CHRNA7: variants seen among roughly 807,000 people sequenced by gnomAD.
The protein encoded by CHRNA7 is cholinergic receptor nicotinic alpha 7 subunit, also known as neuronal acetylcholine receptor subunit alpha-7.
A neutral mutation model predicts 48.0 loss-of-function variants in CHRNA7; 17 were observed. That is an observed-to-expected ratio of 0.35 (90% CI 0.24 to 0.53). The LOEUF (loss-of-function observed/expected upper bound fraction) is 0.53. Ranked by LOEUF, CHRNA7 falls within the 20% of genes least tolerant of loss-of-function variation. CHRNA7 has a pLI of 0.92. For missense variants in CHRNA7, 155 were observed against 577.7 expected (o/e 0.27, Z 7.50); for synonymous variants, 75 against 242.3 (o/e 0.31, Z 6.41).
At chr15:32,114,028 A>ATATATATATATATG (rs2050810135) in intron 4 of CHRNA7, among the ~76,000 whole-genome samples, 1 of 88,270 alleles carries the variant, frequency 1.1e-5, no homozygotes, top group African/African-American at 4.3e-5. Context: ...AAATATATAT[A>ATATATATATATATG]TATATATATA....
intron 4 of CHRNA7, among the ~76,000 whole-genome samples, chr15:32,136,350 G>T (rs955640868): frequency 7.2e-5 from 11 of 151,936 alleles, no homozygotes; most frequent in Non-Finnish European, 1.3e-4. Flanking sequence ...AATTAGCCGG[G>T]CGTGGTGGCA....
intron 2 of CHRNA7, among the ~76,000 whole-genome samples, chr15:32,095,772 C>G (rs896405316): frequency 1.3e-5 from 2 of 152,232 alleles, no homozygotes; most frequent in African/African-American, 4.8e-5. Context: ...CAAGCCCATA[C>G]TTTGAAAACT....
chr15:32,134,995 G>A (rs1327130754), intron 4 of CHRNA7, among the ~76,000 whole-genome samples: 1 of 152,202 alleles, frequency 6.6e-6, no homozygotes, highest in Non-Finnish European at 1.5e-5. Context: ...CTGTGCACCA[G>A]GTCCTGTTTC....
rs542175648 is a variant in CHRNA7, at chr15:32,141,927, G to C, written c.351-11980G>C. ...TACCCTTTATTTCTTTCTCTTGCCTGATTGCCTTGGCCAGAACTTCCAACA... is the reference window on the plus strand; with the variant it reads ...TACCCTTTATTTCTTTCTCTTGCCTCATTGCCTTGGCCAGAACTTCCAACA... On this transcript the variant is annotated intron_variant, in intron 4 of 9. Transcript: ENST00000306901. 9.2e-5 allele frequency among the ~76,000 whole-genome samples: 14 copies of C among 152,282 alleles called. 2 individuals carry two copies. In the South Asian group the frequency reaches 2.3e-3, roughly 25 times the overall value.
intron 2 of CHRNA7, among the ~76,000 whole-genome samples, chr15:32,043,753 C>T (rs1007838177): frequency 1.5e-4 from 12 of 78,734 alleles, no homozygotes; most frequent in Admixed American, 5.8e-4. Flanking sequence ...TAGATTTACT[C>T]GTATATTTAC....
chr15:32,100,144 C>T (rs1272468993), intron 2 of CHRNA7: 2 of 152,090 alleles, frequency 1.3e-5, no homozygotes, highest in South Asian at 2.1e-4. Context: ...ATTTGCATCC[C>T]TGCTCACTGA....
intron 8 of CHRNA7, chr15:32,161,840 G>A (rs1437577934): frequency 7.7e-4 from 63 of 81,560 alleles, no homozygotes; most frequent in South Asian, 2.2e-3. Flanking sequence ...AGTTAGCACA[G>A]CACTCACAGA....
At chr15:32,048,556 C>T (rs1195733109) in intron 2 of CHRNA7, among the ~76,000 whole-genome samples, 1 of 152,082 alleles carries the variant, frequency 6.6e-6, no homozygotes, top group Non-Finnish European at 1.5e-5. Flanking sequence ...TGATTCTTCT[C>T]TCTTTTTTTC....
intron 2 of CHRNA7, among the ~76,000 whole-genome samples, chr15:32,044,253 C>CTCCTTCCT (rs10638387): frequency 0.14 from 19,567 of 140,882 alleles, 1,638 homozygotes; most frequent in East Asian, 0.22. Flanking sequence ...CGATCTTTTC[C>CTCCTTCCT]TCCTTCCTTC....
At chr15:32,081,244 G>A (rs577514207) in intron 2 of CHRNA7, among the ~76,000 whole-genome samples, 1 of 152,038 alleles carries the variant, frequency 6.6e-6, no homozygotes, top group African/African-American at 2.4e-5. Flanking sequence ...CATGGCACAT[G>A]TTTACCTGTG....
chr15:32,127,276 C>A (rs1158567461), intron 4 of CHRNA7, among the ~76,000 whole-genome samples: 1 of 152,126 alleles, frequency 6.6e-6, no homozygotes, highest in Non-Finnish European at 1.5e-5. Flanking sequence ...TCTATAACAT[C>A]CATGTCCATG....
At position 32,149,786 on chromosome 15, in the gene CHRNA7, T is replaced by C. The variant is rs545906238; in HGVS notation, c.351-4121T>C. Among the ~76,000 whole-genome samples, 2 of 152,116 alleles carry C rather than the reference T, an allele frequency of 1.3e-5. No homozygotes were observed. The highest frequency in any genetic ancestry group is 2.9e-5 in the Non-Finnish European group (2 of 68,014). On this transcript the variant is annotated intron_variant, in intron 4 of 9. Transcript: ENST00000306901. This position sits in a 1 kb window ranked among gnomAD's most constrained non-coding sequence, Gnocchi z 4.6. ...CTGTTGCTAATAGCAACAGTTTTTTTATCTTGTTTTTACCTGTTTGCCTTG... is the reference window on the plus strand; with the variant it reads ...CTGTTGCTAATAGCAACAGTTTTTTCATCTTGTTTTTACCTGTTTGCCTTG...
At chr15:32,042,124 TAA>T (rs57547665) in intron 2 of CHRNA7, among the ~76,000 whole-genome samples, 91,485 of 151,942 alleles carry the variant, frequency 0.6, 31,629 homozygotes, top group Non-Finnish European at 0.77. Context: ...TGTAAATTAA[TAA>T]GTTACTAATG....
chr15:32,095,528 T>C (rs2141251542), intron 2 of CHRNA7, among the ~76,000 whole-genome samples: 1 of 152,292 alleles, frequency 6.6e-6, no homozygotes, highest in South Asian at 2.1e-4. Context: ...AGGGTGGCGT[T>C]GCTTTTTATT....
chr15:32,044,602 G>A (rs1217491938), intron 2 of CHRNA7, among the ~76,000 whole-genome samples: 6 of 152,144 alleles, frequency 3.9e-5, no homozygotes, highest in Non-Finnish European at 7.4e-5. Context: ...TATGGCTTCT[G>A]CTCTATTTTT....
At chr15:32,111,092 A>C (rs1316552083) in intron 3 of CHRNA7, 1 of 152,146 alleles carries the variant, frequency 6.6e-6, no homozygotes, top group Non-Finnish European at 1.5e-5. Flanking sequence ...TTAGCACCTG[A>C]TCCTCGGAGG....
chr15:32,122,878 C>T (rs2050997061), intron 4 of CHRNA7, among the ~76,000 whole-genome samples: 1 of 131,108 alleles, frequency 7.6e-6, no homozygotes, highest in South Asian at 2.3e-4. Flanking sequence ...CCCTTATAAG[C>T]TCTCAAAGCA....
At chr15:32,077,155 A>G (rs2050148084) in intron 2 of CHRNA7, among the ~76,000 whole-genome samples, 1 of 151,882 alleles carries the variant, frequency 6.6e-6, no homozygotes, top group African/African-American at 2.4e-5. Flanking sequence ...GTGTTGAATA[A>G]TAATCCATTG....
At chr15:32,087,384 T>C (rs566430593) in intron 2 of CHRNA7, among the ~76,000 whole-genome samples, 118 of 152,326 alleles carry the variant, frequency 7.7e-4, no homozygotes, top group African/African-American at 2.8e-3. Flanking sequence ...TCATCTGGTA[T>C]ATTTCCTGCC....
Sources: gnomAD v4.1 joint callset for allele counts (sites outside exome capture counted in the v4.1 genomes callset) on GRCh38, gnomAD v4.1.1 for gene constraint, Gnocchi (gnomAD v3.1) non-coding constraint, MANE v1.5 for transcripts, NCBI Gene and HGNC (gene_info 2026-07-23, HGNC 2026-07-21) for gene names.